Variants in ABCA13 observed in about 807,000 individuals in gnomAD.
The protein encoded by ABCA13 is ATP binding cassette subfamily A member 13.
In ABCA13, 476 loss-of-function variants were observed where a neutral mutation model predicts 478.7. The observed-to-expected ratio is 0.99, with a 90% CI of 0.92 to 1.07. ABCA13 has a LOEUF of 1.07. Ranked by LOEUF, ABCA13 falls within the 50% of genes least tolerant of loss-of-function variation. The pLI, the probability that ABCA13 is intolerant of heterozygous loss-of-function variation, is 0.00. For missense variants in ABCA13, 6,060 were observed against 5,910.6 expected (o/e 1.03, Z -0.83); for synonymous variants, 2,252 against 2,158.9 (o/e 1.04, Z -1.20).
intron 58 of ABCA13, among the ~76,000 whole-genome samples, chr7:48,598,367 A>G (rs1460616564): frequency 6.6e-6 from 1 of 152,124 alleles, no homozygotes; most frequent in Non-Finnish European, 1.5e-5. Flanking sequence ...AGTTTTGACA[A>G]TTTTGAATAA....
intron 49 of ABCA13, among the ~76,000 whole-genome samples, chr7:48,506,713 A>G (rs1831243535): frequency 6.6e-6 from 1 of 152,228 alleles, no homozygotes; most frequent in African/African-American, 2.4e-5. Flanking sequence ...GGTTAAAATC[A>G]TAAACATTGC....
At chr7:48,176,456 A>G (rs556761052) in intron 1 of ABCA13, among the ~76,000 whole-genome samples, 1 of 152,330 alleles carries the variant, frequency 6.6e-6, no homozygotes, top group East Asian at 1.9e-4. Context: ...ACCACATCCC[A>G]GAACCCAGCG....
intron 59 of ABCA13, chr7:48,626,556 A>G (rs1793689569): frequency 3.2e-6 from 3 of 936,098 alleles, no homozygotes; most frequent in Non-Finnish European, 3.8e-6. Context: ...AAAAAGAAAC[A>G]GGAGAATAAC....
At chr7:48,357,106 T>C (rs907959655) in intron 31 of ABCA13, among the ~76,000 whole-genome samples, 11 of 151,844 alleles carry the variant, frequency 7.2e-5, no homozygotes, top group African/African-American at 2.7e-4. Flanking sequence ...CTTTGATGTG[T>C]CTTGGGCAAA....
chr7:48,522,319 G>C (rs375010462), intron 53 of ABCA13, among the ~76,000 whole-genome samples: 2 of 152,108 alleles, frequency 1.3e-5, no homozygotes, highest in African/African-American at 4.8e-5. Flanking sequence ...AACCTGCGCT[G>C]ACTCCTGTCC....
At chr7:48,281,277 A>T in intron 18 of ABCA13, 66 bp from the exon 19 acceptor site, 1 of 1,297,094 alleles carries the variant, frequency 7.7e-7, no homozygotes, top group Non-Finnish European at 1.1e-6. Context: ...TAACCTACAC[A>T]GTAGAGATGC....
At chr7:48,279,946 G>GT (rs535749675) in intron 18 of ABCA13, 26 bp downstream of exon 18, 8 of 1,497,938 alleles carry the variant, frequency 5.3e-6, no homozygotes, top group Admixed American at 2.4e-5. Flanking sequence ...AATTCACTTT[G>GT]TTTTTTTCTC....
At chr7:48,358,282 G>A (rs1022153709) in intron 31 of ABCA13, among the ~76,000 whole-genome samples, 1 of 130,932 alleles carries the variant, frequency 7.6e-6, no homozygotes, top group Non-Finnish European at 1.6e-5. Context: ...TGCCTGCCTG[G>A]CATGTTTTCT....
chr7:48,625,389 C>T (rs1271653108), intron 59 of ABCA13, among the ~76,000 whole-genome samples: 3 of 152,144 alleles, frequency 2.0e-5, no homozygotes, highest in African/African-American at 7.2e-5. Context: ...TAATTTCTGC[C>T]ATGATGTGGA....
At chr7:48,259,059 G>A (rs1793808881) in intron 15 of ABCA13, among the ~76,000 whole-genome samples, 1 of 151,920 alleles carries the variant, frequency 6.6e-6, no homozygotes, top group African/African-American at 2.4e-5. Flanking sequence ...TGTGCCATGT[G>A]CACGTGAGAA....
chr7:48,338,258 A>G, intron 28 of ABCA13, 107 bp from the exon 29 acceptor site: 1 of 743,256 alleles, frequency 1.3e-6, no homozygotes, highest in Non-Finnish European at 2.0e-6. Context: ...GATTCAGTTT[A>G]TGTGCCTTGT....
intron 41 of ABCA13, among the ~76,000 whole-genome samples, chr7:48,422,839 G>A (rs1210034666): frequency 1.3e-5 from 2 of 152,254 alleles, no homozygotes; most frequent in Non-Finnish European, 2.9e-5. Flanking sequence ...AGGAAGGTCA[G>A]AGAGGAAGAA....
At chr7:48,557,667 T>A (rs1266685231) in intron 55 of ABCA13, among the ~76,000 whole-genome samples, 1 of 152,176 alleles carries the variant, frequency 6.6e-6, no homozygotes, top group East Asian at 1.9e-4. Flanking sequence ...ATTAAATGGC[T>A]CAGAGTAGTC....
At chr7:48,565,576 A>G (rs538962407) in intron 55 of ABCA13, among the ~76,000 whole-genome samples, 1 of 152,088 alleles carries the variant, frequency 6.6e-6, no homozygotes, top group African/African-American at 2.4e-5. Context: ...CTTTCAAAGA[A>G]GATAAGGCCG....
In ABCA13 at chr7:48,293,198, C is replaced by T. The variant is rs546709522; in HGVS notation, c.8956-2502C>T. On this transcript the variant is annotated intron_variant, in intron 20 of 61. Transcript: ENST00000435803. Reference sequence around the variant, plus strand: ...ATTTCCTGAGAAGTCTTCAGCCCCCCCCCCGCCACACACACACTAAATCTA... The same window carrying T: ...ATTTCCTGAGAAGTCTTCAGCCCCCTCCCCGCCACACACACACTAAATCTA... Among the ~76,000 whole-genome samples, 31 of 134,772 alleles carry T rather than the reference C, an allele frequency of 2.3e-4. 2 individuals are homozygous for T. The allele number at this position is 134,772 out of a possible 152,430, so 88.4% of individuals were successfully genotyped here. A position where few individuals can be genotyped will look rare whatever the true frequency, so the allele number is the denominator to read the frequency against.
At chr7:48,538,585 T>C (rs539812902) in intron 55 of ABCA13, among the ~76,000 whole-genome samples, 6 of 152,324 alleles carry the variant, frequency 3.9e-5, no homozygotes, top group African/African-American at 9.6e-5. Flanking sequence ...CACATCCCTG[T>C]TGAGGTTAAC....
chr7:48,241,122 A>G, intron 10 of ABCA13, 56 bp downstream of exon 10: 1 of 1,580,558 alleles, frequency 6.3e-7, no homozygotes, highest in Non-Finnish European at 8.7e-7. Context: ...AGAATGTTAA[A>G]GAGTGCGTGA....
intron 41 of ABCA13, among the ~76,000 whole-genome samples, chr7:48,421,636 C>G (rs1820754762): frequency 6.6e-6 from 1 of 152,206 alleles, no homozygotes; most frequent in African/African-American, 2.4e-5. Context: ...AGCCCTGGCT[C>G]TAGAATCAGC....
chr7:48,236,123 C>T (rs749199438), intron 8 of ABCA13, among the ~76,000 whole-genome samples: 8 of 152,080 alleles, frequency 5.3e-5, no homozygotes, highest in Non-Finnish European at 1.0e-4. Context: ...ATTATTAAGG[C>T]TTATATGCCA....
Sources: allele counts gnomAD v4.1 joint callset (sites outside exome capture counted in the v4.1 genomes callset), GRCh38; gene constraint gnomAD v4.1.1; transcripts MANE v1.5; gene names NCBI Gene and HGNC (gene_info 2026-07-23, HGNC 2026-07-21).